The following LRRC1 variants were observed in gnomAD, a reference collection of about 807,000 sequenced individuals.
LRRC1 encodes the protein leucine rich repeat containing 1.
Under a neutral mutation model 69.9 loss-of-function variants are expected in LRRC1, and 28 were observed. The ratio of observed to expected loss-of-function variants is 0.40; its 90% CI spans 0.30 to 0.55. LRRC1 has a LOEUF of 0.55. Among genes scored for constraint, LRRC1 ranks in the 20% least tolerant of loss-of-function variants. LRRC1 has a pLI of 0.47. For missense variants in LRRC1, 498 were observed against 609.0 expected (o/e 0.82, Z 1.92); for synonymous variants, 236 against 240.2 (o/e 0.98, Z 0.16).
At chr6:53,860,294 A>G (rs1330566226) in intron 2 of LRRC1, among the ~76,000 whole-genome samples, 1 of 152,254 alleles carries the variant, frequency 6.6e-6, no homozygotes, top group Admixed American at 6.5e-5. Context: ...AGAAGAATAT[A>G]TGTGCATGCT....
In LRRC1 at chr6:53,922,531, TAAG is replaced by T. The variant is rs1444719217; in HGVS notation, c.1417-100_1417-98del. 8.5e-6 allele frequency: 9 copies of T among 1,055,786 alleles called. No individual in the cohort carries two copies. In the East Asian group the frequency reaches 2.2e-4, roughly 26 times the overall value. 65.4% of individuals were successfully genotyped at this position (1,055,786 alleles called of 1,614,324 possible). ...CTTTTCCACCCATTTTAAGAATTTCTAAGAAGGTAACATTTGTATTGGAATGCT... is the reference window on the plus strand; with the variant it reads ...CTTTTCCACCCATTTTAAGAATTTCTAAGGTAACATTTGTATTGGAATGCT... On this transcript the variant is annotated intron_variant, in intron 13 of 13. Coordinates refer to ENST00000370888, the MANE Select transcript of LRRC1 (RefSeq NM_018214.5).
chr6:53,914,562 C>G (rs960197218), intron 11 of LRRC1, among the ~76,000 whole-genome samples: 2 of 152,172 alleles, frequency 1.3e-5, no homozygotes, highest in Non-Finnish European at 2.9e-5. Flanking sequence ...TTCTCAAGTT[C>G]CGGAGCAGAG....
At chr6:53,846,885 G>C (rs1218666673) in intron 2 of LRRC1, among the ~76,000 whole-genome samples, 1 of 152,192 alleles carries the variant, frequency 6.6e-6, no homozygotes, top group Non-Finnish European at 1.5e-5. Context: ...TCGCATAGTA[G>C]GATCTTGCTA....
chr6:53,880,680 G>A (rs1767259853), intron 3 of LRRC1, among the ~76,000 whole-genome samples: 1 of 152,172 alleles, frequency 6.6e-6, no homozygotes, highest in African/African-American at 2.4e-5. Flanking sequence ...CTGGGCTCCC[G>A]TAATGCTCTC....
At chr6:53,888,020 C>T (rs1767546985) in intron 4 of LRRC1, among the ~76,000 whole-genome samples, 2 of 152,140 alleles carry the variant, frequency 1.3e-5, no homozygotes, top group Non-Finnish European at 2.9e-5. Context: ...TAGAAGATTC[C>T]ACTGGTAAGG....
intron 1 of LRRC1, among the ~76,000 whole-genome samples, chr6:53,840,898 G>GTA (rs1765762886): frequency 7.5e-6 from 1 of 133,776 alleles, no homozygotes; most frequent in Non-Finnish European, 1.7e-5. Flanking sequence ...GTGTGTGTGT[G>GTA]TGTGTGTGTG....
intron 10 of LRRC1, among the ~76,000 whole-genome samples, chr6:53,909,528 AT>A (rs373317148): frequency 6.7e-6 from 1 of 150,134 alleles, no homozygotes; most frequent in Non-Finnish European, 1.5e-5. Flanking sequence ...GTAAGATTTG[AT>A]TTTTTTTCAT....
intron 4 of LRRC1, among the ~76,000 whole-genome samples, chr6:53,892,858 A>G (rs538564418): frequency 6.6e-6 from 1 of 152,318 alleles, no homozygotes; most frequent in South Asian, 2.1e-4. Flanking sequence ...TTCTAGAATC[A>G]CTTAGTGATA....
intron 12 of LRRC1, 69 bp from the exon 13 acceptor site, chr6:53,920,556 G>A (rs1190824478): frequency 1.0e-5 from 16 of 1,581,962 alleles, no homozygotes; most frequent in African/African-American, 4.0e-5. Context: ...CTTGTCAGCC[G>A]CAAAGTTCAT....
intron 2 of LRRC1, among the ~76,000 whole-genome samples, chr6:53,862,555 T>C (rs1192129347): frequency 6.6e-6 from 1 of 152,216 alleles, no homozygotes; most frequent in Non-Finnish European, 1.5e-5. Context: ...TTGGTAATTG[T>C]GGCTTTAGGT....
intron 2 of LRRC1, among the ~76,000 whole-genome samples, chr6:53,877,010 C>T (rs1426819529): frequency 6.6e-6 from 1 of 152,230 alleles, no homozygotes; most frequent in East Asian, 1.9e-4. Flanking sequence ...CAGAGGTTTC[C>T]CACGAGGGCC....
At chr6:53,888,101 A>C (rs1441616064) in intron 4 of LRRC1, among the ~76,000 whole-genome samples, 1 of 152,240 alleles carries the variant, frequency 6.6e-6, no homozygotes, top group Non-Finnish European at 1.5e-5. Flanking sequence ...TTTGTCTTTC[A>C]AAAGAACATT....
intron 3 of LRRC1, among the ~76,000 whole-genome samples, chr6:53,880,192 A>G (rs1436411784): frequency 1.3e-5 from 2 of 152,182 alleles, no homozygotes; most frequent in Non-Finnish European, 2.9e-5. Flanking sequence ...CCAATAAATA[A>G]ATGTTTTCTT....
chr6:53,923,288 T>C lies in LRRC1; in HGVS notation c.*495T>C, dbSNP rs1768793309. Reference sequence around the variant, plus strand: ...AGGTATTTCATAACAAAAATATGTATTTCTTTTTTGTTATTTTATCTTGAA... The same window carrying C: ...AGGTATTTCATAACAAAAATATGTACTTCTTTTTTGTTATTTTATCTTGAA... On this transcript the variant is annotated 3_prime_UTR_variant, in exon 14 of 14. Transcript: ENST00000370888. The C allele has an allele frequency of 6.5e-6, 1 of 152,788 alleles. No individual in the cohort carries two copies. The highest frequency in any genetic ancestry group is 2.1e-4 in the South Asian group (1 of 4,838). 9.5% of individuals were successfully genotyped at this position (152,788 alleles called of 1,614,324 possible).
rs879406589 is a variant in LRRC1, at chr6:53,919,229, CTTTTT to C, written c.1107-247_1107-243del. ...AAATGTGTCCTGTAATTTTCTCTCT[CTTTTT>C]TTTTTTTTTTTTTTTTTTTTTGCTC... On this transcript the variant is annotated intron_variant, in intron 11 of 13. Transcript: ENST00000370888. 36 of 72,278 alleles carry C rather than the reference CTTTTT, an allele frequency of 5.0e-4. 1 individual carries two copies. The highest frequency in any genetic ancestry group is 2.3e-3 in the East Asian group (4 of 1,714). 4.5% of individuals were successfully genotyped at this position (72,278 alleles called of 1,614,324 possible). A position where few individuals can be genotyped will look rare whatever the true frequency, so the allele number is the denominator to read the frequency against.
chr6:53,855,443 G>T (rs763777963), intron 2 of LRRC1, among the ~76,000 whole-genome samples: 5 of 152,224 alleles, frequency 3.3e-5, no homozygotes, highest in Non-Finnish European at 7.3e-5. Flanking sequence ...ACAAAAGGTA[G>T]CCCAGAGCCA....
chr6:53,795,540 T>G, intron 1 of LRRC1, 125 bp downstream of exon 1: 23 of 838,640 alleles, frequency 2.7e-5, no homozygotes, highest in Non-Finnish European at 3.4e-5. Flanking sequence ...TTTTATGCAT[T>G]CACCTGCTTC....
chr6:53,852,671 A>G (rs911841005), intron 2 of LRRC1, among the ~76,000 whole-genome samples: 1 of 152,194 alleles, frequency 6.6e-6, no homozygotes, highest in African/African-American at 2.4e-5. Flanking sequence ...TTTATTGAAG[A>G]TAATAAGGGC....
intron 1 of LRRC1, among the ~76,000 whole-genome samples, chr6:53,802,410 C>T (rs551094287): frequency 5.1e-4 from 77 of 152,260 alleles, no homozygotes; most frequent in African/African-American, 1.8e-3. Flanking sequence ...TCTACTATGC[C>T]GCCTTGTGTT....
Sources: gnomAD v4.1 joint callset for allele counts (sites outside exome capture counted in the v4.1 genomes callset) on GRCh38, gnomAD v4.1.1 for gene constraint, MANE v1.5 for transcripts, NCBI Gene and HGNC (gene_info 2026-07-23, HGNC 2026-07-21) for gene names.